ASCC3: variants seen among roughly 807,000 people sequenced by gnomAD.
ASCC3 encodes the protein activating signal cointegrator 1 complex subunit 3.
In ASCC3, 158 loss-of-function variants were observed where a neutral mutation model predicts 256.3. The ratio of observed to expected loss-of-function variants is 0.62; its 90% CI spans 0.54 to 0.70. The LOEUF is 0.70. ASCC3 is among the 30% of genes least tolerant of loss of function. ASCC3 has a pLI of 0.00. For missense variants in ASCC3, 2,259 were observed against 2,626.0 expected, an observed-to-expected ratio of 0.86 and a Z score of 3.05; for synonymous variants, 948 against 883.4, an observed-to-expected ratio of 1.07 and a Z score of -1.30.
chr6:100,724,631 GGTAT>G (rs1272613645), intron 11 of ASCC3, among the ~76,000 whole-genome samples: 2 of 151,838 alleles, frequency 1.3e-5, no homozygotes, highest in Non-Finnish European at 2.9e-5. Flanking sequence ...TGGAATGAAG[GGTAT>G]GCTTGTGGTG....
At chr6:100,618,781 C>T (rs187792711) in intron 30 of ASCC3, among the ~76,000 whole-genome samples, 2 of 152,296 alleles carry the variant, frequency 1.3e-5, no homozygotes, top group East Asian at 3.9e-4. Context: ...TAAGAACAGG[C>T]ACTTACTTTG....
rs574925551 is a variant in ASCC3, at chr6:100,510,465, A to G, written c.6286-358T>C. Reference sequence around the variant, plus strand: ...TGGTAGATGAACAAATTGAGACATAACCATGTTAATCAAATCTTCCAAAAC... The same window carrying G: ...TGGTAGATGAACAAATTGAGACATAGCCATGTTAATCAAATCTTCCAAAAC... On this transcript the variant is annotated intron_variant, in intron 40 of 41. Transcript: ENST00000369162. Among the ~76,000 whole-genome samples the G allele has an allele frequency of 1.3e-3, 196 of 152,336 alleles. 1 individual carries two copies. The highest frequency in any genetic ancestry group is 3.4e-3 in the Middle Eastern group (1 of 294).
chr6:100,797,201 GCACTTT>G (rs1769661913), intron 8 of ASCC3, among the ~76,000 whole-genome samples: 2 of 152,008 alleles, frequency 1.3e-5, no homozygotes, highest in African/African-American at 4.8e-5. Context: ...TGTAATCTCA[GCACTTT>G]GGGAGGCCGA....
intron 36 of ASCC3, among the ~76,000 whole-genome samples, chr6:100,546,000 T>C (rs549893649): frequency 3.9e-5 from 6 of 152,272 alleles, no homozygotes; most frequent in Non-Finnish European, 7.4e-5. Context: ...TTATTTGCAG[T>C]TGACATGACC....
Position 100,646,785 on chromosome 6 carries a change from C to G in ASCC3, c.3479-16G>C. On this transcript the variant is annotated splice_polypyrimidine_tract_variant and intron_variant, in intron 21 of 41. Transcript: ENST00000369162. ...AAAATGTGACCTGCAAGAAAAATAT[C>G]ACATAGAAGAAATGTGTCCAGGCAG... 1 of 1,612,566 alleles carries G rather than the reference C, an allele frequency of 6.2e-7. No individual in the cohort carries two copies. The highest frequency in any genetic ancestry group is 8.5e-7 in the Non-Finnish European group (1 of 1,178,892).
intron 36 of ASCC3, among the ~76,000 whole-genome samples, chr6:100,544,598 AAAG>A (rs1352511545): frequency 6.6e-6 from 1 of 152,124 alleles, no homozygotes; most frequent in African/African-American, 2.4e-5. Context: ...AGACAAAAAA[AAAG>A]AAGAAATAGA....
chr6:100,607,192 T>C (rs983629827), intron 30 of ASCC3, 104 bp from the exon 31 acceptor site: 4 of 1,227,154 alleles, frequency 3.3e-6, no homozygotes, highest in South Asian at 2.6e-5. Context: ...TGTTATTATA[T>C]GGACATAAAA....
intron 4 of ASCC3, among the ~76,000 whole-genome samples, chr6:100,815,956 A>G (rs776625043): frequency 9.9e-5 from 15 of 152,160 alleles, no homozygotes; most frequent in Admixed American, 2.0e-4. Flanking sequence ...AAAAGAAACT[A>G]TCAACAGGGT....
intron 1 of ASCC3, among the ~76,000 whole-genome samples, chr6:100,879,673 ATTTT>A (rs888485310): frequency 6.6e-6 from 1 of 151,714 alleles, no homozygotes; most frequent in African/African-American, 2.4e-5. Context: ...TTATTTATTT[ATTTT>A]TTTTGAGGTA....
chr6:100,749,374 T>C (rs1233075425), intron 10 of ASCC3, among the ~76,000 whole-genome samples: 1 of 152,024 alleles, frequency 6.6e-6, no homozygotes, highest in Non-Finnish European at 1.5e-5. Context: ...TTTTTAAATA[T>C]TTTACTAGGA....
At chr6:100,743,317 A>G (rs1780520005) in intron 10 of ASCC3, among the ~76,000 whole-genome samples, 1 of 152,196 alleles carries the variant, frequency 6.6e-6, no homozygotes, top group South Asian at 2.1e-4. Flanking sequence ...AGGTGCTATT[A>G]TCACTTGCCC....
Position 100,627,935 on chromosome 6 carries a change from G to A in ASCC3, c.4428C>T (p.Ile1476=). ...TAACAGGCTTTTCTGTGTGTGATGA[G>A]ATAAAATTTGTTCGAGATACAATGA... is the stretch of plus-strand genomic sequence containing the variant. ...LEVIVSRTNF[I]SSHTEKPVRI... Residue 1476 remains isoleucine, a synonymous_variant, in exon 28 of 42, where the codon ATC becomes ATT. Transcript: ENST00000369162. 6.2e-7 allele frequency: 1 copy of A among 1,613,520 alleles called. No individual in the cohort carries two copies. The highest frequency in any genetic ancestry group is 8.5e-7 in the Non-Finnish European group (1 of 1,179,794).
intron 14 of ASCC3, among the ~76,000 whole-genome samples, chr6:100,674,251 TTGA>T (rs1204875687): frequency 6.6e-6 from 1 of 152,028 alleles, no homozygotes; most frequent in Non-Finnish European, 1.5e-5. Flanking sequence ...TGATAATATA[TTGA>T]TGAATATATA....
intron 37 of ASCC3, among the ~76,000 whole-genome samples, chr6:100,521,991 C>T (rs1477860978): frequency 2.0e-5 from 3 of 152,134 alleles, no homozygotes; most frequent in Non-Finnish European, 4.4e-5. Flanking sequence ...CAAGTAACCC[C>T]CAAAGTCCTT....
At chr6:100,753,521 A>G (rs1582811761) in intron 10 of ASCC3, among the ~76,000 whole-genome samples, 1 of 144,274 alleles carries the variant, frequency 6.9e-6, no homozygotes, top group Admixed American at 6.9e-5. Flanking sequence ...AAAAAAAAAC[A>G]GTCTTGCTAT....
At chr6:100,659,024 T>C (rs1776058181) in intron 16 of ASCC3, among the ~76,000 whole-genome samples, 1 of 151,416 alleles carries the variant, frequency 6.6e-6, no homozygotes, top group Non-Finnish European at 1.5e-5. Context: ...GATTATTTAG[T>C]CAGTCTCATT....
At chr6:100,830,426 A>G (rs1046057087) in intron 4 of ASCC3, among the ~76,000 whole-genome samples, 1 of 152,194 alleles carries the variant, frequency 6.6e-6, no homozygotes, top group African/African-American at 2.4e-5. Context: ...TATGAGATAT[A>G]TTACATTTCA....
At chr6:100,663,317 T>C (rs940823740) in intron 14 of ASCC3, among the ~76,000 whole-genome samples, 2 of 152,072 alleles carry the variant, frequency 1.3e-5, no homozygotes, top group Admixed American at 6.6e-5. Context: ...AGTAGAATAT[T>C]CCAGAAATAA....
intron 10 of ASCC3, among the ~76,000 whole-genome samples, chr6:100,765,435 T>C (rs1349699308): frequency 6.6e-6 from 1 of 152,190 alleles, no homozygotes; most frequent in Non-Finnish European, 1.5e-5. Context: ...TCTCACTGAA[T>C]AGATCAGCTT....
Sources: allele counts gnomAD v4.1 joint callset (sites outside exome capture counted in the v4.1 genomes callset), GRCh38; gene constraint gnomAD v4.1.1; transcripts MANE v1.5; gene names NCBI Gene and HGNC (gene_info 2026-07-23, HGNC 2026-07-21).